SEMA6A: variants seen among roughly 807,000 people sequenced by gnomAD.
SEMA6A encodes semaphorin 6A, also known as semaphorin-6A.
SEMA6A carries 25 observed loss-of-function variants against 96.8 expected under a neutral mutation model. That is an observed-to-expected ratio of 0.26 (90% CI 0.19 to 0.36). The LOEUF (loss-of-function observed/expected upper bound fraction) is 0.36. SEMA6A is among the 10% of genes least tolerant of loss of function. SEMA6A has a pLI of 1.00. For missense variants in SEMA6A, 1,363 were observed against 1,323.1 expected, an observed-to-expected ratio of 1.03 and a Z score of -0.47; for synonymous variants, 612 against 518.0, an observed-to-expected ratio of 1.18 and a Z score of -2.46.
At position 116,445,216 on chromosome 5, in the gene SEMA6A, G is replaced by A. The variant is rs536775174; in HGVS notation, c.*1397C>T. ...GGAAGTGGGGCAGAGGGTGGGGAAGGGAGGGTTAAATAAATATCTGCACTT... is the reference window on the plus strand; with the variant it reads ...GGAAGTGGGGCAGAGGGTGGGGAAGAGAGGGTTAAATAAATATCTGCACTT... On this transcript the variant is annotated 3_prime_UTR_variant, in exon 19 of 19. Coordinates refer to ENST00000343348, the MANE Select transcript of SEMA6A (RefSeq NM_020796.5). 6.5e-6 allele frequency: 1 copy of A among 152,762 alleles called. No homozygotes were observed. Among genetic ancestry groups the A allele is most frequent in the Admixed American group, 6.5e-5 (1 of 15,302 alleles). 9.5% of individuals were successfully genotyped at this position (152,762 alleles called of 1,614,324 possible).
chr5:116,541,221 C>G (rs1175865865), intron 1 of SEMA6A, among the ~76,000 whole-genome samples: 1 of 152,124 alleles, frequency 6.6e-6, no homozygotes, highest in African/African-American at 2.4e-5. Flanking sequence ...ATCAACGTGT[C>G]CAGTGCATTC....
At chr5:116,515,480 C>A (rs57435790) in intron 1 of SEMA6A, among the ~76,000 whole-genome samples, 3,237 of 152,144 alleles carry the variant, frequency 0.021, 41 homozygotes, top group African/African-American at 0.031. Context: ...ATGAAGCAAA[C>A]TGCAAAAAAT....
rs1453616894 is a variant in SEMA6A, at chr5:116,488,930, G to A, written c.613C>T (p.Pro205Ser). 1.3e-6 allele frequency: 2 copies of A among 1,589,414 alleles called. No homozygotes were observed. Among genetic ancestry groups the A allele is most frequent in the East Asian group, 2.3e-5 (1 of 43,960 alleles). Reference protein sequence around the residue: ...AVIYRSLGESPTLRTVKHDSK... With the variant: ...AVIYRSLGESSTLRTVKHDSK... ...TCGTGCTTGACGGTCCGCAGGGTAG[G>A]GCTTTCTCCAAGACTCCGGTAAATG... The change falls in exon 8 of 19, where the codon CCT becomes TCT. Residue 205 changes from proline to serine, a missense_variant. By Grantham distance (74) the Pro-to-Ser change is moderately conservative. This residue lies in a region of SEMA6A where 480 missense variants were observed against 559.5 expected (regional missense o/e 0.86). Coordinates refer to ENST00000343348, the MANE Select transcript of SEMA6A (RefSeq NM_020796.5).
intron 1 of SEMA6A, among the ~76,000 whole-genome samples, chr5:116,549,893 C>T (rs1312440524): frequency 6.6e-6 from 1 of 152,132 alleles, no homozygotes; most frequent in African/African-American, 2.4e-5. Context: ...GCTACCTGTA[C>T]GATCGGTCAC....
At chr5:116,560,728 C>G (rs976998735) in intron 1 of SEMA6A, among the ~76,000 whole-genome samples, 1 of 151,948 alleles carries the variant, frequency 6.6e-6, no homozygotes, top group Non-Finnish European at 1.5e-5. Flanking sequence ...GGACTAGAAT[C>G]CCAAATAAAA....
chr5:116,464,865 C>A (rs1755634235), intron 18 of SEMA6A, among the ~76,000 whole-genome samples: 1 of 152,124 alleles, frequency 6.6e-6, no homozygotes, highest in African/African-American at 2.4e-5. Context: ...AGAGTAGAGC[C>A]ATGGGCATGC....
At chr5:116,477,363 C>A (rs1394266950) in intron 15 of SEMA6A, among the ~76,000 whole-genome samples, 1 of 152,190 alleles carries the variant, frequency 6.6e-6, no homozygotes, top group Non-Finnish European at 1.5e-5. Context: ...TTCTTCAGCG[C>A]AGGAAAAGGT....
At chr5:116,530,263 A>G (rs905545888) in intron 1 of SEMA6A, among the ~76,000 whole-genome samples, 1 of 152,216 alleles carries the variant, frequency 6.6e-6, no homozygotes, top group Non-Finnish European at 1.5e-5. Context: ...AGTAATTAGT[A>G]AAAGACATTA....
At chr5:116,507,524 G>C (rs1758201768) in intron 1 of SEMA6A, among the ~76,000 whole-genome samples, 1 of 152,154 alleles carries the variant, frequency 6.6e-6, no homozygotes, top group Admixed American at 6.5e-5. Flanking sequence ...TTAACACTGA[G>C]TTTATAAACC....
At chr5:116,501,181 C>A (rs1269499879) in intron 3 of SEMA6A, among the ~76,000 whole-genome samples, 1 of 152,182 alleles carries the variant, frequency 6.6e-6, no homozygotes, top group Non-Finnish European at 1.5e-5. Flanking sequence ...TATTGTTGGA[C>A]TCCTTAGGGA....
chr5:116,495,446 A>T lies in SEMA6A; in HGVS notation c.411T>A (p.Thr137=), dbSNP rs1164974534. Reference sequence around the variant, plus strand: ...TTCTGCAGGAAGGGTTGAAGGCATTAGTTCCACAGACAAACAATGCATCAT... The same window carrying T: ...TTCTGCAGGAAGGGTTGAAGGCATTTGTTCCACAGACAAACAATGCATCAT... The part of the protein sequence containing the change: ...KNDDALFVCG[T]NAFNPSCRNY... Residue 137 remains threonine, a synonymous_variant, in exon 6 of 19, where the codon ACT becomes ACA. Transcript: ENST00000343348. 1.2e-6 allele frequency: 2 copies of T among 1,610,790 alleles called. No individual in the cohort carries two copies. Among genetic ancestry groups the T allele is most frequent in the Non-Finnish European group, 8.5e-7 (1 of 1,178,578 alleles).
At chr5:116,455,508 T>A (rs1384455734) in intron 18 of SEMA6A, among the ~76,000 whole-genome samples, 1 of 152,198 alleles carries the variant, frequency 6.6e-6, no homozygotes, top group Non-Finnish European at 1.5e-5. Flanking sequence ...AGCATTTCTA[T>A]TTTCCAACTT....
At chr5:116,511,058 T>G (rs1425264609) in intron 1 of SEMA6A, among the ~76,000 whole-genome samples, 7 of 152,200 alleles carry the variant, frequency 4.6e-5, no homozygotes. Flanking sequence ...AGGCAGCACA[T>G]AGTAAATACA....
intron 1 of SEMA6A, among the ~76,000 whole-genome samples, chr5:116,519,687 A>ACACACATG (rs919217932): frequency 6.7e-6 from 1 of 149,992 alleles, no homozygotes; most frequent in African/African-American, 2.5e-5. Context: ...ACACACACAC[A>ACACACATG]CACACGCACA....
rs1197676427 is a variant in SEMA6A at position 116,446,838 on chromosome 5, T to C, written c.2868A>G (p.Gly956=). 1.2e-6 allele frequency: 2 copies of C among 1,613,916 alleles called. No homozygotes were observed. The highest frequency in any genetic ancestry group is 1.7e-6 in the Non-Finnish European group (2 of 1,179,868). The change falls in exon 19 of 19, where the codon GGA becomes GGG. Residue 956 remains glycine, a synonymous_variant. Transcript: ENST00000343348. The stretch of plus-strand genomic sequence containing the variant: ...TCTGCGGGGCGGGCGGCGGGTTGTC[T>C]CCCCTGCCAAAGCTCTGGTTTCTGG... ...HLSRNQSFGR[G]DNPPPAPQRV...
chr5:116,539,653 A>G (rs1283416869), intron 1 of SEMA6A, among the ~76,000 whole-genome samples: 1 of 151,542 alleles, frequency 6.6e-6, no homozygotes, highest in African/African-American at 2.4e-5. Flanking sequence ...ATCCCCTTCA[A>G]ATCACACTAA....
In SEMA6A at chr5:116,574,353, T is replaced by C. The variant is rs1378957795; in HGVS notation, c.-207A>G. 1 of 151,208 alleles carries C rather than the reference T, an allele frequency of 6.6e-6. No individual in the cohort carries two copies. Among genetic ancestry groups the C allele is most frequent in the African/African-American group, 2.4e-5 (1 of 40,868 alleles). The allele number at this position is 151,208 out of a possible 1,614,324, so 9.4% of individuals were successfully genotyped here. ...TGTGTGCTTGTCTCTTTGGGGGAAA[T>C]AGTCGCGGCGACTACTTTCTGGGAT... On this transcript the variant is annotated 5_prime_UTR_variant, in exon 1 of 19. Coordinates refer to ENST00000343348, the MANE Select transcript of SEMA6A (RefSeq NM_020796.5).
intron 1 of SEMA6A, among the ~76,000 whole-genome samples, chr5:116,521,565 G>T (rs1407147363): frequency 2.0e-5 from 3 of 152,206 alleles, no homozygotes; most frequent in Non-Finnish European, 2.9e-5. Flanking sequence ...TTCAACACAT[G>T]TGTGTTTAGA....
At chr5:116,493,457 T>C (rs1757429668) in intron 6 of SEMA6A, among the ~76,000 whole-genome samples, 2 of 152,226 alleles carry the variant, frequency 1.3e-5, no homozygotes, top group Non-Finnish European at 2.9e-5. Flanking sequence ...AAACTTGATC[T>C]TTGGTTTATG....
Sources: gnomAD v4.1 joint callset for allele counts (sites outside exome capture counted in the v4.1 genomes callset) on GRCh38, gnomAD v4.1.1 for gene constraint, gnomAD v4.1.1 regional missense constraint, MANE v1.5 for transcripts, NCBI Gene and HGNC (gene_info 2026-07-23, HGNC 2026-07-21) for gene names.